The following NXPE2 variants were observed in gnomAD, a reference collection of about 807,000 sequenced individuals.
NXPE2 encodes neurexophilin and PC-esterase domain family member 2, also known as NXPE family member 2.
A neutral mutation model predicts 34.4 loss-of-function variants in NXPE2; 34 were observed. The ratio of observed to expected loss-of-function variants is 0.99; its 90% CI spans 0.75 to 1.31. The LOEUF (loss-of-function observed/expected upper bound fraction) is 1.31, where lower values mean the gene tolerates loss of function less well. Among genes scored for constraint, NXPE2 ranks in the 40% most tolerant of loss-of-function variants. The pLI, the probability that NXPE2 is intolerant of heterozygous loss-of-function variation, is 0.00. For synonymous variants in NXPE2, 235 were observed against 231.3 expected, an observed-to-expected ratio of 1.02 and a Z score of -0.15; for missense variants, 649 against 672.5, an observed-to-expected ratio of 0.97 and a Z score of 0.39.
chr11:114,534,214 A>G, the NXPE2 span, among the ~76,000 whole-genome samples: 1 of 152,246 alleles, frequency 6.6e-6, no homozygotes, highest in South Asian at 2.1e-4. Context: ...ACAGACCTGC[A>G]GCTGAGGGTT....
At chr11:114,675,419 C>T (rs1054909096), upstream of NXPE2, among the ~76,000 whole-genome samples, 5 of 151,564 alleles carry the variant, frequency 3.3e-5, no homozygotes, top group Non-Finnish European at 5.9e-5. Context: ...AAAGACTCCA[C>T]CAAAAAACTG....
chr11:114,519,372 G>A, the NXPE2 span, among the ~76,000 whole-genome samples: 1 of 151,956 alleles, frequency 6.6e-6, no homozygotes, highest in African/African-American at 2.4e-5. Context: ...CTAAAGAGAT[G>A]GTAAAACCTC....
the NXPE2 span, among the ~76,000 whole-genome samples, chr11:114,540,250 C>T: frequency 8.5e-5 from 13 of 152,124 alleles, no homozygotes; most frequent in Non-Finnish European, 1.2e-4. Context: ...GCCACCATGC[C>T]CGGCCAATAA....
At chr11:114,774,644 C>T in the NXPE2 span, among the ~76,000 whole-genome samples, 1 of 152,140 alleles carries the variant, frequency 6.6e-6, no homozygotes, top group Non-Finnish European at 1.5e-5. Context: ...AGTGTTGTGG[C>T]GTGGTCCTTG....
At chr11:114,700,223 C>G (rs1285197945) in intron 3 of NXPE2, among the ~76,000 whole-genome samples, 1 of 152,140 alleles carries the variant, frequency 6.6e-6, no homozygotes, top group African/African-American at 2.4e-5. Context: ...ACTATTTCCT[C>G]CGTAAAAGCT....
the NXPE2 span, among the ~76,000 whole-genome samples, chr11:114,768,504 T>C: frequency 6.6e-6 from 1 of 152,222 alleles, no homozygotes; most frequent in Non-Finnish European, 1.5e-5. Context: ...CTTTGGGCAA[T>C]ATGGCCATTT....
chr11:114,540,357 A>G, the NXPE2 span, among the ~76,000 whole-genome samples: 7 of 152,244 alleles, frequency 4.6e-5, no homozygotes. Flanking sequence ...ATTTACATAT[A>G]GCAACATGAT....
At chr11:114,486,501 T>C in the NXPE2 span, among the ~76,000 whole-genome samples, 2 of 152,182 alleles carry the variant, frequency 1.3e-5, no homozygotes, top group Non-Finnish European at 2.9e-5. Flanking sequence ...CTTTATAATT[T>C]GATATGATCC....
At chr11:114,671,882 C>G in the NXPE2 span, among the ~76,000 whole-genome samples, 1 of 152,032 alleles carries the variant, frequency 6.6e-6, no homozygotes, top group South Asian at 2.1e-4. Flanking sequence ...TGTTCTCACA[C>G]TGCTATAAAG....
chr11:114,758,430 G>A, the NXPE2 span, among the ~76,000 whole-genome samples: 9 of 152,002 alleles, frequency 5.9e-5, no homozygotes, highest in South Asian at 2.1e-4. Context: ...CATTTTTCTC[G>A]AGCAAAAAGC....
the NXPE2 span, among the ~76,000 whole-genome samples, chr11:114,570,002 A>G: frequency 6.6e-6 from 1 of 152,234 alleles, no homozygotes. Flanking sequence ...CAAGACTGAT[A>G]AGTTTAGGTT....
the NXPE2 span, among the ~76,000 whole-genome samples, chr11:114,789,458 C>G: frequency 1.3e-5 from 2 of 152,146 alleles, no homozygotes; most frequent in African/African-American, 2.4e-5. Context: ...TAGACACTAC[C>G]CTTACAGAGG....
the NXPE2 span, among the ~76,000 whole-genome samples, chr11:114,639,846 A>T: frequency 7.5e-5 from 8 of 107,176 alleles, no homozygotes; most frequent in East Asian, 1.8e-3. Context: ...TTAAATATAA[A>T]ATATAATATA....
At chr11:114,756,172 A>G in the NXPE2 span, among the ~76,000 whole-genome samples, 1 of 152,074 alleles carries the variant, frequency 6.6e-6, no homozygotes, top group East Asian at 1.9e-4. Context: ...CTTTGAATTC[A>G]CTTTATTATT....
chr11:114,727,509 C>T, the NXPE2 span, among the ~76,000 whole-genome samples: 7 of 151,964 alleles, frequency 4.6e-5, no homozygotes, highest in African/African-American at 1.7e-4. Context: ...ACAACAATAA[C>T]CTTTGAAGTT....
At chr11:114,744,099 G>A in the NXPE2 span, among the ~76,000 whole-genome samples, 1 of 152,148 alleles carries the variant, frequency 6.6e-6, no homozygotes, top group Non-Finnish European at 1.5e-5. Flanking sequence ...ACTCAAGAGA[G>A]TAGGATGTCT....
the NXPE2 span, among the ~76,000 whole-genome samples, chr11:114,735,193 G>T: frequency 6.6e-6 from 1 of 152,126 alleles, no homozygotes; most frequent in Non-Finnish European, 1.5e-5. Flanking sequence ...TCTAAAAGCA[G>T]GGAATAGCTT....
At chr11:114,715,366 T>A in the NXPE2 span, among the ~76,000 whole-genome samples, 6 of 152,226 alleles carry the variant, frequency 3.9e-5, no homozygotes, top group Non-Finnish European at 8.8e-5. Flanking sequence ...CATTCACAGA[T>A]AATTTGAAAA....
the NXPE2 span, among the ~76,000 whole-genome samples, chr11:114,550,339 T>C: frequency 6.6e-6 from 1 of 152,114 alleles, no homozygotes; most frequent in African/African-American, 2.4e-5. Flanking sequence ...CTTGTAAAAA[T>C]CTTTGTAATT....
Sources: allele counts gnomAD v4.1 joint callset (sites outside exome capture counted in the v4.1 genomes callset), GRCh38; gene constraint gnomAD v4.1.1; transcripts MANE v1.5; gene names NCBI Gene and HGNC (gene_info 2026-07-23, HGNC 2026-07-21).